PCNX2: variants seen among roughly 807,000 people sequenced by gnomAD.
The protein encoded by PCNX2 is pecanex-like protein 2.
PCNX2 carries 168 observed loss-of-function variants against 223.8 expected under a neutral mutation model. The observed-to-expected ratio is 0.75, with a 90% CI of 0.66 to 0.85. PCNX2 has a LOEUF of 0.85. Among genes scored for constraint, PCNX2 ranks in the 40% least tolerant of loss-of-function variants. The pLI, the probability that PCNX2 is intolerant of heterozygous loss-of-function variation, is 0.00. For missense variants in PCNX2, 2,507 were observed against 2,675.5 expected (o/e 0.94, Z 1.39); for synonymous variants, 1,006 against 1,052.6 (o/e 0.96, Z 0.86).
chr1:233,236,649 C>T (rs941546446), intron 9 of PCNX2, among the ~76,000 whole-genome samples, 196 bp downstream of exon 9: 1 of 152,188 alleles, frequency 6.6e-6, no homozygotes, highest in African/African-American at 2.4e-5. Context: ...AATATCAACC[C>T]AAGGTTAGCT....
intron 1 of PCNX2, among the ~76,000 whole-genome samples, chr1:233,266,222 C>T (rs1468502584): frequency 1.3e-5 from 2 of 152,182 alleles, no homozygotes; most frequent in Admixed American, 6.5e-5. Context: ...AAAAACCTCT[C>T]CCTAGCCAGG....
intron 13 of PCNX2, among the ~76,000 whole-genome samples, chr1:233,200,904 T>C (rs1681050779): frequency 6.6e-6 from 1 of 150,938 alleles, no homozygotes; most frequent in Non-Finnish European, 1.5e-5. Context: ...CGGGCGCCTG[T>C]AGTCCCAGCT....
intron 15 of PCNX2, 89 bp downstream of exon 15, chr1:233,198,850 G>A: frequency 1.6e-6 from 2 of 1,285,338 alleles, no homozygotes; most frequent in South Asian, 1.3e-5. Context: ...GATTTCTCTT[G>A]TAATTTTGGA....
rs1678391560 is a variant in PCNX2 at position 233,160,303 on chromosome 1, T to C, written c.3497A>G (p.Tyr1166Cys). The change falls in exon 19 of 34, where the codon TAT becomes TGT. Residue 1166 changes from tyrosine to cysteine, a missense_variant. Transcript: ENST00000258229. ...ISHPILKNKE[Y>C]HQREVRDVAH... ...CTAACCTCTCACTTCCCGTTGATGATACTCTTTGTTTTTGAGAATGGGGTG... is the reference window on the plus strand; with the variant it reads ...CTAACCTCTCACTTCCCGTTGATGACACTCTTTGTTTTTGAGAATGGGGTG... The C allele has an allele frequency of 6.2e-7, 1 of 1,613,394 alleles. No individual in the cohort carries two copies. The highest frequency in any genetic ancestry group is 1.7e-5 in the Admixed American group (1 of 59,974).
chr1:233,064,418 C>T (rs145715116), intron 23 of PCNX2, among the ~76,000 whole-genome samples: 177 of 152,284 alleles, frequency 1.2e-3, no homozygotes, highest in Admixed American at 2.9e-3. Context: ...CTCTCTCTGA[C>T]CAGTTGAGAT....
At chr1:233,119,403 C>CAAAAAAAA (rs71173251) in intron 21 of PCNX2, among the ~76,000 whole-genome samples, 54 of 38,634 alleles carry the variant, frequency 1.4e-3, no homozygotes, top group African/African-American at 2.1e-3. Flanking sequence ...ACTAAAAATA[C>CAAAAAAAA]AAAAAAAAAA....
the PCNX2 span, among the ~76,000 whole-genome samples, chr1:233,307,403 C>G: frequency 6.6e-6 from 1 of 152,182 alleles, no homozygotes; most frequent in Non-Finnish European, 1.5e-5. Context: ...CTCTTGCTCT[C>G]TCACGCCATG....
chr1:233,032,921 A>T, intron 25 of PCNX2: 2 of 911,500 alleles, frequency 2.2e-6, no homozygotes, highest in Non-Finnish European at 2.6e-6. Context: ...ATCATATTAA[A>T]AAAGAATATG....
At chr1:233,195,093 T>C (rs1680648402) in intron 15 of PCNX2, among the ~76,000 whole-genome samples, 1 of 150,684 alleles carries the variant, frequency 6.6e-6, no homozygotes, top group African/African-American at 2.4e-5. Context: ...TGGTAAATAA[T>C]ATTGAGCAAT....
chr1:233,055,764 A>G (rs1283607438), intron 24 of PCNX2, among the ~76,000 whole-genome samples: 2 of 152,156 alleles, frequency 1.3e-5, no homozygotes, highest in Non-Finnish European at 2.9e-5. Flanking sequence ...TGGATCGTCT[A>G]TTTGAGTGGA....
At chr1:233,037,608 C>T (rs1671500742) in intron 25 of PCNX2, among the ~76,000 whole-genome samples, 1 of 152,090 alleles carries the variant, frequency 6.6e-6, no homozygotes, top group Non-Finnish European at 1.5e-5. Context: ...TACAGACATG[C>T]ACCACCATGC....
At chr1:233,218,208 G>GAAAAA in intron 10 of PCNX2, 24 bp from the exon 11 acceptor site, 1 of 150,498 alleles carries the variant, frequency 6.6e-6, no homozygotes, top group Non-Finnish European at 9.3e-6. Context: ...ATACATAAAA[G>GAAAAA]CAAAAAAAAA....
chr1:233,090,688 CAG>C (rs1188181932), intron 22 of PCNX2, among the ~76,000 whole-genome samples: 1 of 152,188 alleles, frequency 6.6e-6, no homozygotes, highest in East Asian at 1.9e-4. Flanking sequence ...GATGGATACA[CAG>C]ATAAACAGAT....
chr1:233,127,767 TGCACAAAGTGTTCAGAACA>T (rs1202894858), intron 21 of PCNX2, among the ~76,000 whole-genome samples: 1 of 152,220 alleles, frequency 6.6e-6, no homozygotes, highest in African/African-American at 2.4e-5. Context: ...TATGTTATTA[TGCACAAAGTGTTCAGAACA>T]GTTCCTGGCC....
intron 21 of PCNX2, among the ~76,000 whole-genome samples, chr1:233,099,417 T>A (rs764171689): frequency 2.6e-5 from 4 of 152,174 alleles, no homozygotes; most frequent in Admixed American, 2.0e-4. Flanking sequence ...CCCTGAAACA[T>A]CCTTTTCAGT....
chr1:233,240,625 TAA>T (rs1394175427), intron 8 of PCNX2, among the ~76,000 whole-genome samples: 1 of 152,176 alleles, frequency 6.6e-6, no homozygotes, highest in Non-Finnish European at 1.5e-5. Flanking sequence ...ATAGCAGAGA[TAA>T]GTTTATTTAA....
chr1:233,025,322 G>A lies in PCNX2; in HGVS notation c.4429C>T (p.Pro1477Ser). 6.2e-7 allele frequency: 1 copy of A among 1,614,056 alleles called. No individual in the cohort carries two copies. The highest frequency in any genetic ancestry group is 1.3e-5 in the African/African-American group (1 of 75,054). ...EEDRGCCCCKPGHLPHLLSCN... is the reference protein window; with the variant it reads ...EEDRGCCCCKSGHLPHLLSCN... ...GACAGCAGGTGAGGCAAGTGGCCTG[G>A]TTTGCAGCAGCAGCAGCCTCTGTCC... The change falls in exon 26 of 34, where the codon CCA becomes TCA. Residue 1477 changes from proline to serine, a missense_variant. Physicochemically the swap from Pro to Ser is moderately conservative, Grantham distance 74. Coordinates refer to ENST00000258229, the MANE Select transcript of PCNX2 (RefSeq NM_014801.4).
the PCNX2 span, among the ~76,000 whole-genome samples, chr1:233,305,520 G>A: frequency 9.3e-5 from 14 of 150,466 alleles, no homozygotes; most frequent in African/African-American, 2.4e-4. Context: ...ATTATGGCTC[G>A]TGCAGCCTCA....
At chr1:233,155,538 A>G (rs1678068534) in intron 19 of PCNX2, among the ~76,000 whole-genome samples, 1 of 152,192 alleles carries the variant, frequency 6.6e-6, no homozygotes, top group Admixed American at 6.5e-5. Flanking sequence ...TCAATACCAT[A>G]CTTATTCCTT....
Sources: gnomAD v4.1 joint callset for allele counts (sites outside exome capture counted in the v4.1 genomes callset) on GRCh38, gnomAD v4.1.1 for gene constraint, MANE v1.5 for transcripts, NCBI Gene and HGNC (gene_info 2026-07-23, HGNC 2026-07-21) for gene names.